Variants in PLEKHG4B observed in about 807,000 individuals in gnomAD.
The protein encoded by PLEKHG4B is pleckstrin homology and RhoGEF domain containing G4B.
In PLEKHG4B, 111 loss-of-function variants were observed where a neutral mutation model predicts 121.3. That is an observed-to-expected ratio of 0.92 (90% CI 0.78 to 1.07). The LOEUF (loss-of-function observed/expected upper bound fraction) is 1.07. Ranked by LOEUF, PLEKHG4B falls within the 50% of genes least tolerant of loss-of-function variation. PLEKHG4B has a pLI of 0.00. For missense variants in PLEKHG4B, 1,831 were observed against 1,757.8 expected (o/e 1.04, Z -0.74); for synonymous variants, 738 against 725.0 (o/e 1.02, Z -0.29).
chr5:93,245 G>T (rs1733526011), intron 1 of PLEKHG4B, among the ~76,000 whole-genome samples: 2 of 152,264 alleles, frequency 1.3e-5, no homozygotes, highest in Non-Finnish European at 2.9e-5. Context: ...TGGGAAGGTA[G>T]GTTTCTCAGC....
intron 3 of PLEKHG4B, among the ~76,000 whole-genome samples, chr5:141,398 C>T (rs1735197979): frequency 6.7e-6 from 1 of 150,078 alleles, no homozygotes; most frequent in South Asian, 2.1e-4. Flanking sequence ...GGGCACCCAT[C>T]CCGCCTCTTC....
At chr5:155,131 C>T in intron 8 of PLEKHG4B, 140 bp downstream of exon 8, 1 of 883,534 alleles carries the variant, frequency 1.1e-6, no homozygotes. Context: ...GTCTTCGTGT[C>T]TACACAACCA....
intron 13 of PLEKHG4B, 66 bp from the exon 14 acceptor site, chr5:169,274 A>G: frequency 6.3e-7 from 1 of 1,585,878 alleles, no homozygotes; most frequent in Non-Finnish European, 8.6e-7. Context: ...TGTCTCAGGC[A>G]TGAATTGCTT....
Position 148,794 on chromosome 5 carries a change from T to TG in PLEKHG4B, c.1906-2717dup, listed in dbSNP as rs1735511302. Among the ~76,000 whole-genome samples the TG allele has an allele frequency of 2.0e-5, 3 of 152,102 alleles. No individual in the cohort carries two copies. The South Asian group carries it at 6.2e-4, about 31-fold the overall frequency. ...CAATTGTAAAAAATAAAAACAAAGCTGGAGGACTCACAGTTCCTGATTTCA... is the reference window on the plus strand; with the variant it reads ...CAATTGTAAAAAATAAAAACAAAGCTGGGAGGACTCACAGTTCCTGATTTCA... On this transcript the variant is annotated intron_variant, in intron 6 of 19. Transcript: ENST00000637938.
intron 6 of PLEKHG4B, among the ~76,000 whole-genome samples, chr5:145,147 A>G (rs1735364453): frequency 6.6e-6 from 1 of 152,190 alleles, no homozygotes; most frequent in Middle Eastern, 3.2e-3. Context: ...GGCTTGGCCC[A>G]TCCGCTGGGG....
Position 157,883 on chromosome 5 carries a change from C to A in PLEKHG4B, c.2487+972C>A, listed in dbSNP as rs1450597593. ...CATCCCCAGCCCTCCTGTCTGCTGGCAAAGCTCCCCCGGCCTTCAGGTCCA... is the reference window on the plus strand; with the variant it reads ...CATCCCCAGCCCTCCTGTCTGCTGGAAAAGCTCCCCCGGCCTTCAGGTCCA... On this transcript the variant is annotated intron_variant, in intron 11 of 19. Transcript: ENST00000637938. This position sits in a 1 kb window ranked among gnomAD's most constrained non-coding sequence, Gnocchi z 4.6. Among the ~76,000 whole-genome samples the A allele has an allele frequency of 6.6e-6, 1 of 152,186 alleles. No homozygotes were observed. Among genetic ancestry groups the A allele is most frequent in the Non-Finnish European group, 1.5e-5 (1 of 68,012 alleles).
intron 2 of PLEKHG4B, among the ~76,000 whole-genome samples, chr5:135,187 C>CAAAAAAAAAAAAAAAAAAA (rs35601775): frequency 6.2e-5 from 3 of 48,776 alleles, no homozygotes; most frequent in African/African-American, 1.9e-4. Context: ...GACTCCAGCT[C>CAAAAAAAAAAAAAAAAAAA]AAAAAAAAAA....
intron 1 of PLEKHG4B, among the ~76,000 whole-genome samples, chr5:94,022 A>G (rs1733552338): frequency 1.3e-5 from 2 of 152,232 alleles, no homozygotes; most frequent in Non-Finnish European, 2.9e-5. Context: ...CAGGCCATCT[A>G]GAGCCTCCTA....
At chr5:173,879 G>A (rs1405331623) in intron 17 of PLEKHG4B, 39 bp from the exon 18 acceptor site, 1 of 1,598,562 alleles carries the variant, frequency 6.3e-7, no homozygotes, top group Non-Finnish European at 8.5e-7. Context: ...CAGAGACCAT[G>A]TTCCTGATGG....
At chr5:119,290 G>C (rs1734399103) in intron 2 of PLEKHG4B, among the ~76,000 whole-genome samples, 1 of 152,094 alleles carries the variant, frequency 6.6e-6, no homozygotes, top group Admixed American at 6.6e-5. Flanking sequence ...CCTTACATTT[G>C]GAAAATGTTT....
intron 2 of PLEKHG4B, among the ~76,000 whole-genome samples, chr5:138,800 C>A (rs1735059959): frequency 6.6e-6 from 1 of 152,186 alleles, no homozygotes; most frequent in African/African-American, 2.4e-5. Context: ...TTTGTCAGAG[C>A]AACATTTGGG....
rs115790145 is a variant in PLEKHG4B at position 134,229 on chromosome 5, A to C, written c.244-5254A>C. Among the ~76,000 whole-genome samples the C allele has an allele frequency of 8.1e-3, 1,225 of 150,944 alleles. 19 individuals are homozygous for C. Among genetic ancestry groups the C allele is most frequent in the African/African-American group, 0.028 (1,166 of 41,120 alleles). The stretch of plus-strand genomic sequence containing the variant: ...TTAAGTGAAATAACCAAGAATGGAA[A>C]ATCAGACATTGTATGTTCTCATTCA... On this transcript the variant is annotated intron_variant, in intron 2 of 19. Transcript: ENST00000637938.
intron 2 of PLEKHG4B, among the ~76,000 whole-genome samples, chr5:120,997 A>G (rs1193124248): frequency 6.6e-6 from 1 of 152,226 alleles, no homozygotes; most frequent in Non-Finnish European, 1.5e-5. Context: ...CTGTAATCCC[A>G]GCACTTTGGG....
At chr5:115,302 T>C (rs1734272460) in intron 2 of PLEKHG4B, among the ~76,000 whole-genome samples, 1 of 152,210 alleles carries the variant, frequency 6.6e-6, no homozygotes, top group Non-Finnish European at 1.5e-5. Flanking sequence ...GCTTAAAATA[T>C]CGAGTAAACC....
chr5:112,141 A>C (rs1002450112), intron 1 of PLEKHG4B, among the ~76,000 whole-genome samples: 14 of 152,212 alleles, frequency 9.2e-5, no homozygotes, highest in Non-Finnish European at 5.9e-5. Flanking sequence ...CAGTGTGTGC[A>C]GGGAAGGGAG....
intron 13 of PLEKHG4B, among the ~76,000 whole-genome samples, chr5:168,334 C>T (rs773723570): frequency 6.6e-6 from 1 of 152,226 alleles, no homozygotes; most frequent in Non-Finnish European, 1.5e-5. Context: ...CTGTTGTCCA[C>T]CTCTGGGCCG....
chr5:150,551 G>A (rs1340134930), intron 6 of PLEKHG4B, among the ~76,000 whole-genome samples: 1 of 152,154 alleles, frequency 6.6e-6, no homozygotes, highest in Non-Finnish European at 1.5e-5. Flanking sequence ...TAAAGGGCTT[G>A]TATATAGAAT....
At chr5:177,636 G>A (rs1015489505) in intron 18 of PLEKHG4B, among the ~76,000 whole-genome samples, 2 of 152,200 alleles carry the variant, frequency 1.3e-5, no homozygotes, top group African/African-American at 4.8e-5. Context: ...GAGCAGGAGT[G>A]GAAGTTTATT....
chr5:171,735 C>T (rs561767310), intron 16 of PLEKHG4B, among the ~76,000 whole-genome samples: 2 of 152,334 alleles, frequency 1.3e-5, no homozygotes, highest in African/African-American at 4.8e-5. Context: ...GCAAAGCAGG[C>T]TGGCTCTGAA....
Sources: gnomAD v4.1 joint callset for allele counts (sites outside exome capture counted in the v4.1 genomes callset) on GRCh38, gnomAD v4.1.1 for gene constraint, Gnocchi (gnomAD v3.1) non-coding constraint, MANE v1.5 for transcripts, NCBI Gene and HGNC (gene_info 2026-07-23, HGNC 2026-07-21) for gene names.